The following USP38 variants were observed in gnomAD, a reference collection of about 807,000 sequenced individuals.
The protein encoded by USP38 is ubiquitin specific peptidase 38, also known as ubiquitin carboxyl-terminal hydrolase 38.
USP38 carries 49 observed loss-of-function variants against 94.3 expected under a neutral mutation model. The observed-to-expected ratio is 0.52, with a 90% CI of 0.41 to 0.66. The LOEUF (loss-of-function observed/expected upper bound fraction) is 0.66. USP38 is among the 30% of genes least tolerant of loss of function. The probability of loss-of-function intolerance (pLI) is 0.00; values close to 1 mark genes in which losing one functional copy is unlikely to be tolerated. For missense variants in USP38, 1,128 were observed against 1,229.4 expected (o/e 0.92, Z 1.23); for synonymous variants, 468 against 463.6 (o/e 1.01, Z -0.12).
In USP38 at chr4:143,222,213, T is replaced by G. The variant is rs1490567343; in HGVS notation, c.*1757T>G. 6.6e-6 allele frequency: 1 copy of G among 152,080 alleles called. No individual in the cohort carries two copies. The highest frequency in any genetic ancestry group is 1.5e-5 in the Non-Finnish European group (1 of 67,958). The allele number at this position is 152,080 out of a possible 1,614,324, so 9.4% of individuals were successfully genotyped here. ...ACTTGTGCAGCTTTATCTATGAATATCAGGTCTCTCAAGGATTTTATGTAT... is the reference window on the plus strand; with the variant it reads ...ACTTGTGCAGCTTTATCTATGAATAGCAGGTCTCTCAAGGATTTTATGTAT... On this transcript the variant is annotated 3_prime_UTR_variant, in exon 10 of 10. Coordinates refer to ENST00000307017, the MANE Select transcript of USP38 (RefSeq NM_032557.6).
chr4:143,220,332 C>T lies in USP38; in HGVS notation c.3005C>T (p.Ala1002Val), dbSNP rs558321081. 4 of 1,613,116 alleles carry T rather than the reference C, an allele frequency of 2.5e-6. No homozygotes were observed. Among genetic ancestry groups the T allele is most frequent in the East Asian group, 2.2e-5 (1 of 44,814 alleles). Residue 1002 changes from alanine (A) to valine (V), a missense_variant, in exon 10 of 10, where the codon GCT becomes GTT. Ala to Val is a moderately conservative substitution (Grantham distance 64). Transcript: ENST00000307017. ...AATGCTCGAGCCCGGGCCCTCCAAG[C>T]TGCATCTGCTTCATGTTCATTTCGG... The part of the protein sequence containing the change: ...ELNARARALQ[A>V]ASASCSFRPN...
rs143894446 is a variant in USP38, at chr4:143,209,035, T to C, written c.1404-529T>C. ...CCACGCTCTATTCTTTAAATGACTT[T>C]AATTTTATAGTGTGTTTTAATGACA... On this transcript the variant is annotated intron_variant, in intron 6 of 9. Coordinates refer to ENST00000307017, the MANE Select transcript of USP38 (RefSeq NM_032557.6). Among the ~76,000 whole-genome samples, 324 of 151,884 alleles carry C rather than the reference T, an allele frequency of 2.1e-3. 1 individual carries two copies. Among genetic ancestry groups the C allele is most frequent in the African/African-American group, 7.7e-3 (320 of 41,516 alleles).
At chr4:143,201,313 A>G (rs946991563) in intron 4 of USP38, among the ~76,000 whole-genome samples, 3 of 152,232 alleles carry the variant, frequency 2.0e-5, no homozygotes, top group African/African-American at 7.2e-5. Context: ...GTGCTTTGAC[A>G]ACTGGCTAGC....
rs1156518812 is a variant in USP38 at position 143,209,563 on chromosome 4, G to C, written c.1404-1G>C. 2 of 1,529,106 alleles carry C rather than the reference G, an allele frequency of 1.3e-6. No individual in the cohort carries two copies. Among genetic ancestry groups the C allele is most frequent in the Non-Finnish European group, 1.8e-6 (2 of 1,108,058 alleles). The allele number at this position is 1,529,106 out of a possible 1,614,324, so 94.7% of individuals were successfully genotyped here. On this transcript the variant is annotated splice_acceptor_variant, in intron 6 of 9. Coordinates refer to ENST00000307017, the MANE Select transcript of USP38 (RefSeq NM_032557.6). LOFTEE classifies it high-confidence loss of function. ...ATATAAATCATTATATTCTCTTTCAGTTTCAGGAGACAAGTATTATCTTTA... is the reference window on the plus strand; with the variant it reads ...ATATAAATCATTATATTCTCTTTCACTTTCAGGAGACAAGTATTATCTTTA...
At chr4:143,192,541 C>A (rs1731425732) in intron 2 of USP38, among the ~76,000 whole-genome samples, 1 of 144,332 alleles carries the variant, frequency 6.9e-6, no homozygotes, top group East Asian at 2.1e-4. Flanking sequence ...TCTATCAGAT[C>A]CCATATTACT....
At chr4:143,212,289 C>T (rs1732047844) in intron 7 of USP38, 29 bp from the exon 8 acceptor site, 2 of 1,506,244 alleles carry the variant, frequency 1.3e-6, no homozygotes, top group Non-Finnish European at 1.8e-6. Context: ...AGAATCACTT[C>T]CTTATATTTT....
At chr4:143,188,054 T>A in intron 2 of USP38, 93 bp downstream of exon 2, 1 of 1,394,136 alleles carries the variant, frequency 7.2e-7, no homozygotes, top group Non-Finnish European at 9.6e-7. Context: ...TACGAATGTT[T>A]AAAACTAAAA....
intron 2 of USP38, among the ~76,000 whole-genome samples, chr4:143,188,529 CTG>C (rs1034085509): frequency 4.8e-4 from 73 of 152,216 alleles, no homozygotes; most frequent in African/African-American, 1.5e-3. Context: ...GTCAATCTGA[CTG>C]TCATTCCTTT....
chr4:143,204,426 G>C (rs1561243269), intron 5 of USP38: 1 of 429,420 alleles, frequency 2.3e-6, no homozygotes, highest in Non-Finnish European at 4.6e-6. Context: ...GTCTTGCTCT[G>C]TTGCCCAGGC....
Position 143,185,836 on chromosome 4 carries a change from T to C in USP38, c.386T>C (p.Val129Ala). 6.2e-7 allele frequency: 1 copy of C among 1,614,124 alleles called. No individual in the cohort carries two copies. The highest frequency in any genetic ancestry group is 8.5e-7 in the Non-Finnish European group (1 of 1,180,016). The change falls in exon 1 of 10, where the codon GTA becomes GCA. Residue 129 changes from valine to alanine, a missense_variant. Transcript: ENST00000307017. Reference protein sequence around the residue: ...SVLDLFSLLQVEVLRMVCERP... With the variant: ...SVLDLFSLLQAEVLRMVCERP... ...CTGGATCTCTTTAGCCTCCTGCAGG[T>C]AGAGGTGTTACGGATGGTGTGTGAG... is the stretch of plus-strand genomic sequence containing the variant.
Position 143,213,691 on chromosome 4 carries a change from TAACA to T in USP38, c.1716_1719del (p.Thr573ArgfsTer12). ...GAAGTAGCTAGTAAAGCAGCAGTAC[TAACA>T]GAGACCCCTCGTACAAGTGACGGTG... is the stretch of plus-strand genomic sequence containing the variant. On this transcript the variant is annotated frameshift_variant, in exon 9 of 10. Transcript: ENST00000307017. LOFTEE classifies it high-confidence loss of function. The T allele has an allele frequency of 6.2e-7, 1 of 1,613,706 alleles. No individual in the cohort carries two copies. Among genetic ancestry groups the T allele is most frequent in the Non-Finnish European group, 8.5e-7 (1 of 1,179,792 alleles).
intron 7 of USP38, 51 bp from the exon 8 acceptor site, chr4:143,212,267 G>A (rs371873720): frequency 4.9e-6 from 7 of 1,425,398 alleles, no homozygotes; most frequent in East Asian, 2.3e-5. Flanking sequence ...CAGTTACTTG[G>A]TTCATGCTAT....
In USP38 at chr4:143,213,821, T is replaced by A. The variant is rs2149612527; in HGVS notation, c.1845T>A (p.Asp615Glu). 1.9e-6 allele frequency: 3 copies of A among 1,613,826 alleles called. No individual in the cohort carries two copies. The highest frequency in any genetic ancestry group is 2.5e-6 in the Non-Finnish European group (3 of 1,179,850). Reference sequence around the variant, plus strand: ...CACAAAAAGTGGAAGCCTTTACAGATCTTTCGCTTGCCTTTTGTCCTTCCT... The same window carrying A: ...CACAAAAAGTGGAAGCCTTTACAGAACTTTCGCTTGCCTTTTGTCCTTCCT... The part of the protein sequence containing the change: ...STSQKVEAFT[D>E]LSLAFCPSSS... Residue 615 changes from aspartate (D) to glutamate (E), a missense_variant, in exon 9 of 10, where the codon GAT becomes GAA. Coordinates refer to ENST00000307017, the MANE Select transcript of USP38 (RefSeq NM_032557.6).
intron 9 of USP38, among the ~76,000 whole-genome samples, chr4:143,218,558 G>A (rs899450139): frequency 1.3e-5 from 2 of 152,116 alleles, no homozygotes; most frequent in African/African-American, 4.8e-5. Context: ...AGCAGAAAAA[G>A]TATATTACTT....
At chr4:143,202,195 A>T (rs950538293) in intron 4 of USP38, among the ~76,000 whole-genome samples, 3 of 152,182 alleles carry the variant, frequency 2.0e-5, no homozygotes, top group Non-Finnish European at 2.9e-5. Flanking sequence ...CAATAGAATG[A>T]ACTCACTAGG....
chr4:143,219,300 A>G (rs1732263623), intron 9 of USP38, among the ~76,000 whole-genome samples: 1 of 152,080 alleles, frequency 6.6e-6, no homozygotes, highest in Non-Finnish European at 1.5e-5. Context: ...TATGACAGAT[A>G]GGTGTCAGGG....
Position 143,197,841 on chromosome 4 carries a change from T to A in USP38, c.967T>A (p.Phe323Ile). The A allele has an allele frequency of 6.2e-7, 1 of 1,613,582 alleles. No homozygotes were observed. The highest frequency in any genetic ancestry group is 8.5e-7 in the Non-Finnish European group (1 of 1,179,718). ...KIELVFNRLW[F>I]PLVRPGALAV... is the part of the protein sequence containing the mutation. ...TTTGAAGGTTTTTAATCGACTTTGG[T>A]TTCCTCTTGTGAGACCTGGTGCTCT... is the stretch of plus-strand genomic sequence containing the variant. The change falls in exon 4 of 10, where the codon TTT (phenylalanine) becomes ATT (isoleucine). Residue 323 changes from phenylalanine (F) to isoleucine (I), a missense_variant. Phe to Ile is a conservative substitution (Grantham distance 21). Transcript: ENST00000307017.
intron 9 of USP38, among the ~76,000 whole-genome samples, chr4:143,217,513 T>C (rs1340975745): frequency 1.3e-5 from 2 of 152,226 alleles, no homozygotes; most frequent in Non-Finnish European, 2.9e-5. Flanking sequence ...GGATGTGAAG[T>C]GAACATTTTG....
At chr4:143,204,013 GCT>G (rs1731791680) in intron 5 of USP38, among the ~76,000 whole-genome samples, 1 of 146,886 alleles carries the variant, frequency 6.8e-6, no homozygotes, top group Admixed American at 6.9e-5. Context: ...ACCAAGTCTC[GCT>G]CTGTCACCTA....
Sources: allele counts gnomAD v4.1 joint callset (sites outside exome capture counted in the v4.1 genomes callset), GRCh38; gene constraint gnomAD v4.1.1; transcripts MANE v1.5; gene names NCBI Gene and HGNC (gene_info 2026-07-23, HGNC 2026-07-21).